Variants in LUC7L2 observed in about 807,000 individuals in gnomAD.
LUC7L2 encodes LUC7 like 2, pre-mRNA splicing factor, also known as putative RNA-binding protein Luc7-like 2.
Under a neutral mutation model 52.8 loss-of-function variants are expected in LUC7L2, and 25 were observed. The observed-to-expected ratio is 0.47, with a 90% CI of 0.34 to 0.66. LUC7L2 has a LOEUF of 0.66. Ranked by LOEUF, LUC7L2 falls within the 30% of genes least tolerant of loss-of-function variation. LUC7L2 has a pLI of 0.01. For synonymous variants in LUC7L2, 144 were observed against 160.9 expected (o/e 0.89, Z 0.80); for missense variants, 328 against 497.8 (o/e 0.66, Z 3.25).
intron 3 of LUC7L2, among the ~76,000 whole-genome samples, chr7:139,401,867 G>A (rs1291998654): frequency 1.3e-5 from 2 of 150,664 alleles, no homozygotes; most frequent in Non-Finnish European, 2.9e-5. Flanking sequence ...TGTTCCTTCC[G>A]CCTCAGCCTC....
At chr7:139,341,615 C>A in intron 1 of LUC7L2, 1 of 1,521,680 alleles carries the variant, frequency 6.6e-7, no homozygotes, top group Non-Finnish European at 8.8e-7. Context: ...TTAATTCCTG[C>A]ATTTCTGAGG....
intron 7 of LUC7L2, among the ~76,000 whole-genome samples, chr7:139,409,943 C>CA (rs1795283209): frequency 1.3e-5 from 2 of 152,170 alleles, no homozygotes; most frequent in African/African-American, 4.8e-5. Flanking sequence ...CATGGTGGCT[C>CA]ACGCCTGTAA....
At chr7:139,393,257 ACT>A (rs952261366) in intron 2 of LUC7L2, among the ~76,000 whole-genome samples, 1 of 151,130 alleles carries the variant, frequency 6.6e-6, no homozygotes, top group African/African-American at 2.4e-5. Context: ...ACAGAGCGAG[ACT>A]CTGTCTCCAA....
intron 1 of LUC7L2, chr7:139,375,086 C>A: frequency 2.0e-6 from 2 of 983,794 alleles, no homozygotes; most frequent in Non-Finnish European, 2.4e-6. Flanking sequence ...TAGGGCTTAT[C>A]ATTCTATATA....
At chr7:139,368,566 T>TC (rs1800281663) in intron 1 of LUC7L2, among the ~76,000 whole-genome samples, 1 of 152,008 alleles carries the variant, frequency 6.6e-6, no homozygotes, top group Non-Finnish European at 1.5e-5. Context: ...TGGTGAAACC[T>TC]GTCTCTACTA....
chr7:139,398,920 C>A (rs147404402), intron 3 of LUC7L2, among the ~76,000 whole-genome samples: 6 of 152,142 alleles, frequency 3.9e-5, no homozygotes, highest in Non-Finnish European at 8.8e-5. Flanking sequence ...TTCATATATT[C>A]TTTTGGAAAT....
At chr7:139,378,876 G>A (rs1179595574) in intron 2 of LUC7L2, among the ~76,000 whole-genome samples, 1 of 152,128 alleles carries the variant, frequency 6.6e-6, no homozygotes, top group Non-Finnish European at 1.5e-5. Context: ...ATTCTGAAAG[G>A]TTCACAACTC....
intron 2 of LUC7L2, among the ~76,000 whole-genome samples, chr7:139,379,006 G>A (rs186214878): frequency 6.6e-6 from 1 of 152,232 alleles, no homozygotes; most frequent in East Asian, 1.9e-4. Context: ...AAGATTGTAT[G>A]ACTAAAGGTT....
chr7:139,352,514 A>T (rs1027446275), intron 1 of LUC7L2, among the ~76,000 whole-genome samples: 1 of 152,156 alleles, frequency 6.6e-6, no homozygotes, highest in Admixed American at 6.5e-5. Context: ...AAATTATTTT[A>T]AAAAGTTTCT....
chr7:139,402,428 T>G lies in LUC7L2; in HGVS notation c.366+181T>G, dbSNP rs562379536. 1.1e-3 allele frequency among the ~76,000 whole-genome samples: 175 copies of G among 152,368 alleles called. 2 individuals are homozygous for G. Among genetic ancestry groups the G allele is most frequent in the African/African-American group, 4.0e-3 (168 of 41,596 alleles). ...CAATATAGTGCAATATCAAATAAAT[T>G]GACATTGGTCTAATCCTTATATTTT... On this transcript the variant is annotated intron_variant, in intron 4 of 9. Transcript: ENST00000354926.
At chr7:139,349,700 A>G (rs1231460412) in intron 1 of LUC7L2, among the ~76,000 whole-genome samples, 4 of 151,516 alleles carry the variant, frequency 2.6e-5, no homozygotes, top group Non-Finnish European at 4.4e-5. Context: ...CCTCTATCTC[A>G]AATGCTTTTA....
At chr7:139,390,319 G>C (rs1459796300) in intron 2 of LUC7L2, among the ~76,000 whole-genome samples, 1 of 151,208 alleles carries the variant, frequency 6.6e-6, no homozygotes, top group East Asian at 1.9e-4. Flanking sequence ...GGAGTGCAGT[G>C]GCGCCATCTC....
chr7:139,406,135 T>G (rs1388767949), intron 5 of LUC7L2, among the ~76,000 whole-genome samples: 1 of 152,140 alleles, frequency 6.6e-6, no homozygotes. Context: ...CACCGCAACC[T>G]CTGCCTCCCG....
chr7:139,409,603 G>T lies in LUC7L2; in HGVS notation c.728G>T (p.Arg243Leu). 1.2e-5 allele frequency: 19 copies of T among 1,611,430 alleles called. No homozygotes were observed. The highest frequency in any genetic ancestry group is 1.6e-5 in the Non-Finnish European group (19 of 1,178,588). ...AEKQEKRNQE[R>L]LKRREERERE... ...AAGCAGGAGAAAAGAAACCAGGAACGGCTGAAACGAAGAGAAGAGAGAGAG... is the reference window on the plus strand; with the variant it reads ...AAGCAGGAGAAAAGAAACCAGGAACTGCTGAAACGAAGAGAAGAGAGAGAG... The change falls in exon 7 of 10, where the codon CGG (arginine) becomes CTG (leucine). Residue 243 changes from arginine to leucine, a missense_variant. Physicochemically the swap from Arg to Leu is moderately radical, Grantham distance 102. Coordinates refer to ENST00000354926, the MANE Select transcript of LUC7L2 (RefSeq NM_016019.5).
Position 139,385,260 on chromosome 7 carries a change from CT to C in LUC7L2, c.156+9112del, listed in dbSNP as rs914729479. Among the ~76,000 whole-genome samples, 10 of 144,214 alleles carry C rather than the reference CT, an allele frequency of 6.9e-5. No homozygotes were observed. In the Middle Eastern group the frequency reaches 0.016, roughly 224 times the overall value. The allele number at this position is 144,214 out of a possible 152,430, so 94.6% of individuals were successfully genotyped here. On this transcript the variant is annotated intron_variant, in intron 2 of 9. Coordinates refer to ENST00000354926, the MANE Select transcript of LUC7L2 (RefSeq NM_016019.5). ...ATAATCACATATATTCCCCCTGCAG[CT>C]TTTTTTTGAAGGACATCTTCAAAAG...
chr7:139,401,313 TTTTCTG>T (rs1794905379), intron 3 of LUC7L2, among the ~76,000 whole-genome samples: 1 of 152,234 alleles, frequency 6.6e-6, no homozygotes, highest in African/African-American at 2.4e-5. Context: ...GTTTTCCATT[TTTTCTG>T]TATTTTCTTT....
In LUC7L2 at chr7:139,363,976, C is replaced by CTTTTTTTTTTTTTTTT. The variant is rs1169793101; in HGVS notation, c.61+3666_61+3681dup. Among the ~76,000 whole-genome samples, 36 of 96,094 alleles carry CTTTTTTTTTTTTTTTT rather than the reference C, an allele frequency of 3.7e-4. 3 individuals are homozygous for CTTTTTTTTTTTTTTTT. Among genetic ancestry groups the CTTTTTTTTTTTTTTTT allele is most frequent in the African/African-American group, 1.6e-3 (27 of 17,264 alleles). 63.0% of individuals were successfully genotyped at this position (96,094 alleles called of 152,430 possible). ...TGAGGGTGTGGATTTAGATTACATC[C>CTTTTTTTTTTTTTTTT]TTTTTTTTTTTTTTTTTTTTTTTTT... On this transcript the variant is annotated intron_variant, in intron 1 of 9. Coordinates refer to ENST00000354926, the MANE Select transcript of LUC7L2 (RefSeq NM_016019.5).
chr7:139,379,304 G>T (rs1800866198), intron 2 of LUC7L2, among the ~76,000 whole-genome samples: 1 of 151,964 alleles, frequency 6.6e-6, no homozygotes, highest in Admixed American at 6.6e-5. Flanking sequence ...GATTTCAAAG[G>T]TAGCCGGGAC....
At chr7:139,407,000 G>GTTTTTTTTTTTTTTTTTTTTTTTT (rs779013466) in intron 5 of LUC7L2, among the ~76,000 whole-genome samples, 174 bp from the exon 6 acceptor site, 2 of 111,612 alleles carry the variant, frequency 1.8e-5, no homozygotes, top group African/African-American at 3.8e-5. Context: ...ATGCTTTTGT[G>GTTTTTTTTTTTTTTTTTTTTTTTT]GTTTTTTTTT....
Sources: allele counts gnomAD v4.1 joint callset (sites outside exome capture counted in the v4.1 genomes callset), GRCh38; gene constraint gnomAD v4.1.1; transcripts MANE v1.5; gene names NCBI Gene and HGNC (gene_info 2026-07-23, HGNC 2026-07-21).